Variants in EPB41L5 observed in about 807,000 individuals in gnomAD.
The protein encoded by EPB41L5 is erythrocyte membrane protein band 4.1 like 5.
A neutral mutation model predicts 106.6 loss-of-function variants in EPB41L5; 55 were observed. That is an observed-to-expected ratio of 0.52 (90% CI 0.42 to 0.65). The LOEUF (loss-of-function observed/expected upper bound fraction) is 0.65. Ranked by LOEUF, EPB41L5 falls within the 30% of genes least tolerant of loss-of-function variation. EPB41L5 has a pLI of 0.00. For missense variants in EPB41L5, 871 were observed against 882.1 expected (o/e 0.99, Z 0.16); for synonymous variants, 297 against 306.7 (o/e 0.97, Z 0.33).
intron 2 of EPB41L5, among the ~76,000 whole-genome samples, chr2:120,035,150 G>A (rs1390856486): frequency 1.3e-5 from 2 of 151,838 alleles, no homozygotes; most frequent in Non-Finnish European, 2.9e-5. Context: ...TTATTAAATG[G>A]GCCCCATGTA....
At chr2:120,041,906 CCTTT>C in intron 2 of EPB41L5, 96 bp from the exon 3 acceptor site, 1 of 763,712 alleles carries the variant, frequency 1.3e-6, no homozygotes, top group South Asian at 2.2e-5. Context: ...TGCAAGTCCT[CCTTT>C]CTTCAAGAGA....
intron 16 of EPB41L5, among the ~76,000 whole-genome samples, chr2:120,108,757 G>T (rs570991253): frequency 6.6e-6 from 1 of 152,242 alleles, no homozygotes; most frequent in South Asian, 2.1e-4. Flanking sequence ...ATAAACTGTA[G>T]AAGTTTGGAG....
intron 5 of EPB41L5, 139 bp from the exon 6 acceptor site, chr2:120,075,337 T>G: frequency 1.5e-6 from 1 of 687,488 alleles, no homozygotes; most frequent in Non-Finnish European, 2.5e-6. Context: ...ATTTCATGTA[T>G]CCCCAAACTA....
intron 20 of EPB41L5, among the ~76,000 whole-genome samples, chr2:120,148,959 G>GT (rs11373761): frequency 0.64 from 96,731 of 151,884 alleles, 32,141 homozygotes; most frequent in Middle Eastern, 0.74. Flanking sequence ...CAAAATGGCC[G>GT]TAACATTTTT....
intron 2 of EPB41L5, among the ~76,000 whole-genome samples, chr2:120,019,476 C>T (rs866901336): frequency 2.0e-5 from 3 of 152,030 alleles, no homozygotes; most frequent in Non-Finnish European, 2.9e-5. Context: ...GAATTAGTGG[C>T]GATTACCTGA....
chr2:120,016,765 A>G (rs992100104), intron 1 of EPB41L5, among the ~76,000 whole-genome samples: 1 of 152,044 alleles, frequency 6.6e-6, no homozygotes, highest in African/African-American at 2.4e-5. Context: ...TAAAAGGAAT[A>G]TGTAGGGATT....
chr2:120,055,795 A>G (rs1196701658), intron 3 of EPB41L5, among the ~76,000 whole-genome samples: 4 of 151,792 alleles, frequency 2.6e-5, no homozygotes, highest in East Asian at 3.9e-4. Flanking sequence ...ATTTTTGTGT[A>G]TTTATTTTGT....
chr2:120,088,579 C>T (rs1261500473), intron 11 of EPB41L5, among the ~76,000 whole-genome samples: 1 of 152,060 alleles, frequency 6.6e-6, no homozygotes, highest in African/African-American at 2.4e-5. Flanking sequence ...TCTTGTACCC[C>T]AAACCCAAAA....
intron 20 of EPB41L5, among the ~76,000 whole-genome samples, chr2:120,151,266 C>G (rs910351190): frequency 6.6e-6 from 1 of 152,000 alleles, no homozygotes; most frequent in Non-Finnish European, 1.5e-5. Context: ...CGCCACTGCA[C>G]TCCAGCCTGG....
At position 120,120,595 on chromosome 2, in the gene EPB41L5, T is replaced by A. The variant is rs550837607; in HGVS notation, c.1338-7093T>A. On this transcript the variant is annotated intron_variant, in intron 16 of 24. Transcript: ENST00000263713. ...ATAGACATGTAAACAGGTGCTTTTT[T>A]TAAAAAAAACCTCTCATTAATAAAA... is the stretch of plus-strand genomic sequence containing the variant. Among the ~76,000 whole-genome samples, 34 of 151,408 alleles carry A rather than the reference T, an allele frequency of 2.2e-4. No homozygotes were observed. In the South Asian group the frequency reaches 5.9e-3, roughly 26 times the overall value.
chr2:120,052,903 T>C (rs1476406235), intron 3 of EPB41L5, among the ~76,000 whole-genome samples: 1 of 152,204 alleles, frequency 6.6e-6, no homozygotes, highest in East Asian at 1.9e-4. Context: ...GGGCTTCTTG[T>C]AGTTTTTTTT....
chr2:120,141,562 A>T (rs1433970680), intron 18 of EPB41L5, among the ~76,000 whole-genome samples: 1 of 152,136 alleles, frequency 6.6e-6, no homozygotes, highest in Non-Finnish European at 1.5e-5. Flanking sequence ...CCAAAGAGTT[A>T]TGTTGTCTTA....
At chr2:120,100,164 T>C in intron 14 of EPB41L5, 80 bp from the exon 15 acceptor site, 1 of 957,120 alleles carries the variant, frequency 1.0e-6, no homozygotes, top group South Asian at 1.7e-5. Flanking sequence ...AAATATTTTA[T>C]TAGTGTATGT....
chr2:120,147,497 C>T (rs919555736), intron 20 of EPB41L5, among the ~76,000 whole-genome samples: 30 of 151,884 alleles, frequency 2.0e-4, no homozygotes, highest in African/African-American at 6.3e-4. Context: ...TGGTGGCGCA[C>T]GCCTGTAATC....
chr2:120,044,217 G>C (rs1366765184), intron 3 of EPB41L5, among the ~76,000 whole-genome samples: 1 of 150,518 alleles, frequency 6.6e-6, no homozygotes, highest in African/African-American at 2.4e-5. Context: ...TAGTTTCAGA[G>C]TTTCTAATCT....
chr2:120,084,069 G>A (rs1031150921), intron 10 of EPB41L5, among the ~76,000 whole-genome samples: 1 of 152,166 alleles, frequency 6.6e-6, no homozygotes, highest in Non-Finnish European at 1.5e-5. Flanking sequence ...GCCAGTCTGT[G>A]TCTTTTAATT....
At chr2:120,051,713 C>T (rs1046087676) in intron 3 of EPB41L5, among the ~76,000 whole-genome samples, 4 of 152,210 alleles carry the variant, frequency 2.6e-5, no homozygotes, top group African/African-American at 9.6e-5. Context: ...CAACAAGCCC[C>T]AGTGAGATGA....
At chr2:120,139,078 G>A (rs1053754674) in intron 18 of EPB41L5, among the ~76,000 whole-genome samples, 2 of 152,096 alleles carry the variant, frequency 1.3e-5, no homozygotes, top group South Asian at 2.1e-4. Context: ...ACATACACTG[G>A]GGAAAGGACA....
chr2:120,091,513 G>A (rs1429576274), intron 12 of EPB41L5, 42 bp from the exon 13 acceptor site: 7 of 1,411,896 alleles, frequency 5.0e-6, no homozygotes, highest in Admixed American at 1.7e-5. Flanking sequence ...GTTTATTACT[G>A]TAGACCTAAA....
Sources: gnomAD v4.1 joint callset for allele counts (sites outside exome capture counted in the v4.1 genomes callset) on GRCh38, gnomAD v4.1.1 for gene constraint, MANE v1.5 for transcripts, NCBI Gene and HGNC (gene_info 2026-07-23, HGNC 2026-07-21) for gene names.